The following CDK18 variants were observed in gnomAD, a reference collection of about 807,000 sequenced individuals.
CDK18 encodes cyclin-dependent kinase 18.
A neutral mutation model predicts 62.0 loss-of-function variants in CDK18; 52 were observed. The observed-to-expected ratio is 0.84, with a 90% CI of 0.67 to 1.06. CDK18 has a LOEUF of 1.06. Ranked by LOEUF, CDK18 falls within the 50% of genes least tolerant of loss-of-function variation. CDK18 has a pLI of 0.00. For synonymous variants in CDK18, 237 were observed against 247.0 expected (o/e 0.96, Z 0.38); for missense variants, 604 against 619.9 (o/e 0.97, Z 0.27).
chr1:205,523,397 G>C, intron 2 of CDK18, 86 bp from the exon 3 acceptor site: 1 of 1,600,614 alleles, frequency 6.2e-7, no homozygotes, highest in South Asian at 1.1e-5. Context: ...CCTTAGGGGA[G>C]GAGCACAGCG....
At chr1:205,518,484 G>A (rs957724617) in intron 1 of CDK18, among the ~76,000 whole-genome samples, 3 of 152,180 alleles carry the variant, frequency 2.0e-5, no homozygotes, top group South Asian at 2.1e-4. Flanking sequence ...TGTTTGGCAC[G>A]CAGTTCAGAG....
At chr1:205,523,415 A>AG (rs755289020) in intron 2 of CDK18, 68 bp from the exon 3 acceptor site, 3 of 1,520,518 alleles carry the variant, frequency 2.0e-6, no homozygotes, top group Admixed American at 1.7e-5. Context: ...GCGCTGGGGG[A>AG]GGGGGGCTAC....
Position 205,528,740 on chromosome 1 carries a change from ACCTCACAGAGTGAAAGGGGACTTT to A in CDK18, c.975-242_975-219del, listed in dbSNP as rs957586709. 6 of 440,992 alleles carry A rather than the reference ACCTCACAGAGTGAAAGGGGACTTT, an allele frequency of 1.4e-5. No homozygotes were observed. The highest frequency in any genetic ancestry group is 1.1e-4 in the South Asian group (2 of 17,458). 27.3% of individuals were successfully genotyped at this position (440,992 alleles called of 1,614,324 possible). Reference sequence around the variant, plus strand: ...ATGGGCGCTGGCTGCACAGACCCAAACCTCACAGAGTGAAAGGGGACTTTCCTCACAGAGTGAAAGTCGCAGCTT... The same window carrying A: ...ATGGGCGCTGGCTGCACAGACCCAAACCTCACAGAGTGAAAGTCGCAGCTT... On this transcript the variant is annotated intron_variant, in intron 10 of 15. Coordinates refer to ENST00000429964, the MANE Select transcript of CDK18 (RefSeq NM_212502.3). The surrounding 1 kb of genome is among the most constrained non-coding windows in gnomAD (Gnocchi z 4.2).
chr1:205,523,639 G>T lies in CDK18; in HGVS notation c.273+14G>T. The stretch of plus-strand genomic sequence containing the variant: ...TTCTCCATGGAGGTAAGGGCCTCTG[G>T]AGCTCTGCCCCGGCAGGTGGCAGGA... On this transcript the variant is annotated intron_variant, in intron 3 of 15. Transcript: ENST00000429964. 1 of 1,561,196 alleles carries T rather than the reference G, an allele frequency of 6.4e-7. No homozygotes were observed. Among genetic ancestry groups the T allele is most frequent in the South Asian group, 1.2e-5 (1 of 84,806 alleles).
chr1:205,524,128 T>G, intron 3 of CDK18, 104 bp from the exon 4 acceptor site: 1 of 1,365,308 alleles, frequency 7.3e-7, no homozygotes, highest in South Asian at 1.2e-5. Context: ...TCTGAATGGT[T>G]GTTCTGCAGG....
chr1:205,519,546 T>G (rs1668009451), intron 1 of CDK18, among the ~76,000 whole-genome samples: 1 of 150,982 alleles, frequency 6.6e-6, no homozygotes, highest in Non-Finnish European at 1.5e-5. Context: ...TCCCTTCTGC[T>G]GCTGTGACAG....
At chr1:205,505,263 G>C (rs1186163817) in intron 1 of CDK18, among the ~76,000 whole-genome samples, 1 of 152,190 alleles carries the variant, frequency 6.6e-6, no homozygotes, top group Non-Finnish European at 1.5e-5. Context: ...CCGAGAGTGT[G>C]GGGCCACATC....
chr1:205,524,183 C>T (rs1337965578), intron 3 of CDK18, 49 bp from the exon 4 acceptor site: 2 of 1,612,784 alleles, frequency 1.2e-6, no homozygotes, highest in Non-Finnish European at 1.7e-6. Context: ...ACAGCCCTAG[C>T]TACCCTGAAA....
chr1:205,505,263 G>A (rs1186163817), intron 1 of CDK18, among the ~76,000 whole-genome samples: 1 of 152,190 alleles, frequency 6.6e-6, no homozygotes, highest in Non-Finnish European at 1.5e-5. Context: ...CCGAGAGTGT[G>A]GGGCCACATC....
Position 205,523,626 on chromosome 1 carries a change from G to T in CDK18, c.273+1G>T, listed in dbSNP as rs1349114677. 2.6e-6 allele frequency: 4 copies of T among 1,568,148 alleles called. No homozygotes were observed. Among genetic ancestry groups the T allele is most frequent in the East Asian group, 2.4e-5 (1 of 42,462 alleles). ...GAACCAGCGCCGCTTCTCCATGGAG[G>T]TAAGGGCCTCTGGAGCTCTGCCCCG... is the stretch of plus-strand genomic sequence containing the variant. On this transcript the variant is annotated splice_donor_variant, in intron 3 of 15. Coordinates refer to ENST00000429964, the MANE Select transcript of CDK18 (RefSeq NM_212502.3). LOFTEE classifies it high-confidence loss of function.
intron 1 of CDK18, among the ~76,000 whole-genome samples, chr1:205,521,826 C>T (rs1034880357): frequency 1.3e-5 from 2 of 152,196 alleles, no homozygotes; most frequent in African/African-American, 2.4e-5. Context: ...CAGGAGGATT[C>T]GGGAAGGGCC....
rs1558785814 is a variant in CDK18 at position 205,529,096 on chromosome 1, GGTC to G, written c.1072+1_1072+3del. On this transcript the variant is annotated splice_donor_variant and splice_donor_region_variant and intron_variant, in intron 11 of 15. Transcript: ENST00000429964. LOFTEE classifies it high-confidence loss of function. ...GCTGCACCTCATCTTTCGCCTCCTCGGTCAGTCTCCCGCTGCTCCGTCCCTCTC... is the reference window on the plus strand; with the variant it reads ...GCTGCACCTCATCTTTCGCCTCCTCGAGTCTCCCGCTGCTCCGTCCCTCTC... 1 of 1,573,962 alleles carries G rather than the reference GGTC, an allele frequency of 6.4e-7. No homozygotes were observed. Among genetic ancestry groups the G allele is most frequent in the African/African-American group, 1.3e-5 (1 of 74,312 alleles).
At position 205,507,649 on chromosome 1, in the gene CDK18, A is replaced by T. The variant is rs1256728857; in HGVS notation, c.-22+2853A>T. The stretch of plus-strand genomic sequence containing the variant: ...ACTCCGTCTCAAAAAAAAAAAAAAA[A>T]AAAAAAAAAAAAAATAATGCACAGT... On this transcript the variant is annotated intron_variant, in intron 1 of 15. Transcript: ENST00000429964. Among the ~76,000 whole-genome samples the T allele has an allele frequency of 7.9e-5, 12 of 151,300 alleles. No homozygotes were observed. In the South Asian group the frequency reaches 1.0e-3, roughly 13 times the overall value.
At chr1:205,519,051 T>C (rs1667980760) in intron 1 of CDK18, among the ~76,000 whole-genome samples, 2 of 152,152 alleles carry the variant, frequency 1.3e-5, no homozygotes, top group Non-Finnish European at 2.9e-5. Context: ...CTGGCACCAA[T>C]TGCACGGGGA....
intron 1 of CDK18, among the ~76,000 whole-genome samples, chr1:205,515,246 G>T (rs56063497): frequency 7.1e-6 from 1 of 140,040 alleles, no homozygotes; most frequent in Admixed American, 7.9e-5. Flanking sequence ...GCGCCATTTC[G>T]GCTCACCGCA....
intron 1 of CDK18, among the ~76,000 whole-genome samples, chr1:205,515,356 TA>T (rs1667769389): frequency 6.6e-6 from 1 of 152,006 alleles, no homozygotes; most frequent in Non-Finnish European, 1.5e-5. Flanking sequence ...TTTGTATTTT[TA>T]GTAGAGACAG....
rs1415652106 is a variant in CDK18, at chr1:205,528,961, C to T, written c.975-38C>T. 3 of 1,429,764 alleles carry T rather than the reference C, an allele frequency of 2.1e-6. No homozygotes were observed. The Admixed American group carries it at 6.0e-5, about 29-fold the overall frequency. The allele number at this position is 1,429,764 out of a possible 1,614,324, so 88.6% of individuals were successfully genotyped here. A position where few individuals can be genotyped will look rare whatever the true frequency, so the allele number is the denominator to read the frequency against. On this transcript the variant is annotated intron_variant, in intron 10 of 15. Transcript: ENST00000429964. The surrounding 1 kb of genome is among the most constrained non-coding windows in gnomAD (Gnocchi z 4.2). Reference sequence around the variant, plus strand: ...GAGCAGCCCTAGGAAGGGCGGCCGCCCCTGCCTGATGCCGACCCTACCCCT... The same window carrying T: ...GAGCAGCCCTAGGAAGGGCGGCCGCTCCTGCCTGATGCCGACCCTACCCCT...
At position 205,523,149 on chromosome 1, in the gene CDK18, C is replaced by G. The variant is rs1328012316; in HGVS notation, c.-19C>G. 1 of 1,589,942 alleles carries G rather than the reference C, an allele frequency of 6.3e-7. No homozygotes were observed. Among genetic ancestry groups the G allele is most frequent in the South Asian group, 1.2e-5 (1 of 86,742 alleles). On this transcript the variant is annotated splice_region_variant and 5_prime_UTR_variant, in exon 2 of 16. Transcript: ENST00000429964. ...TCTTCTCACACTTCCCATCTCAGGA[C>G]CCGGCTGCCCAGTCCCTCATGATCA...
rs770669453 is a variant in CDK18 at position 205,524,264 on chromosome 1, T to C, written c.306T>C (p.Asp102=). 1.2e-5 allele frequency: 20 copies of C among 1,614,034 alleles called. No homozygotes were observed. In the East Asian group the frequency reaches 4.5e-4, roughly 36 times the overall value. The change falls in exon 4 of 16, where the codon GAT becomes GAC. Residue 102 remains aspartate (D), a synonymous_variant. Coordinates refer to ENST00000429964, the MANE Select transcript of CDK18 (RefSeq NM_212502.3). ...DVSKRLSLPM[D]IRLPQEFLQK... is the part of the protein sequence containing the mutation. ...GCAAGAGGCTCTCTCTGCCCATGGA[T>C]ATCCGCCTGCCCCAGGAATTCCTAC...
Sources: gnomAD v4.1 joint callset for allele counts (sites outside exome capture counted in the v4.1 genomes callset) on GRCh38, gnomAD v4.1.1 for gene constraint, Gnocchi (gnomAD v3.1) non-coding constraint, MANE v1.5 for transcripts, NCBI Gene and HGNC (gene_info 2026-07-23, HGNC 2026-07-21) for gene names.